The following HCN1 variants were observed in gnomAD, a reference collection of about 807,000 sequenced individuals.
HCN1 encodes potassium/sodium hyperpolarization-activated cyclic nucleotide-gated channel 1.
A neutral mutation model predicts 78.9 loss-of-function variants in HCN1; 13 were observed. That is an observed-to-expected ratio of 0.16 (90% CI 0.11 to 0.26). The LOEUF is 0.26. Ranked by LOEUF, HCN1 falls within the 10% of genes least tolerant of loss-of-function variation. The probability of loss-of-function intolerance (pLI) is 1.00; values close to 1 mark genes in which losing one functional copy is unlikely to be tolerated. For synonymous variants in HCN1, 552 were observed against 455.5 expected, an observed-to-expected ratio of 1.21 and a Z score of -2.70; for missense variants, 810 against 1,154.3, an observed-to-expected ratio of 0.70 and a Z score of 4.32.
intron 6 of HCN1, among the ~76,000 whole-genome samples, chr5:45,281,350 G>A (rs773643308): frequency 4.6e-5 from 7 of 151,844 alleles, no homozygotes; most frequent in Non-Finnish European, 8.8e-5. Flanking sequence ...TGTATAGTAT[G>A]TGCCTATTTC....
intron 2 of HCN1, among the ~76,000 whole-genome samples, chr5:45,557,570 C>T (rs1225252170): frequency 2.6e-5 from 4 of 152,054 alleles, no homozygotes; most frequent in Non-Finnish European, 5.9e-5. Flanking sequence ...TAAATTGAGG[C>T]TTTTGCAACC....
chr5:45,495,595 C>T lies in HCN1; in HGVS notation c.850-33588G>A, dbSNP rs545038245. Reference sequence around the variant, plus strand: ...TTCCTAATTGAATACACTTTATTTCCTTCTCCTAACTGATTGCCCTGGCCA... The same window carrying T: ...TTCCTAATTGAATACACTTTATTTCTTTCTCCTAACTGATTGCCCTGGCCA... On this transcript the variant is annotated intron_variant, in intron 2 of 7. Coordinates refer to ENST00000303230, the MANE Select transcript of HCN1 (RefSeq NM_021072.4). Among the ~76,000 whole-genome samples, 123 of 152,206 alleles carry T rather than the reference C, an allele frequency of 8.1e-4. 4 individuals are homozygous for T. In the South Asian group the frequency reaches 0.024, roughly 30 times the overall value.
chr5:45,388,386 T>C (rs1459710113), intron 4 of HCN1, among the ~76,000 whole-genome samples: 1 of 152,142 alleles, frequency 6.6e-6, no homozygotes. Context: ...AATATGCCTG[T>C]CCCGCTGTGT....
chr5:45,426,522 A>G (rs1740350724), intron 3 of HCN1, among the ~76,000 whole-genome samples: 1 of 152,188 alleles, frequency 6.6e-6, no homozygotes, highest in South Asian at 2.1e-4. Flanking sequence ...GGTTTTACAA[A>G]GGGGAGTTTC....
chr5:45,372,926 AT>A (rs1376968492), intron 4 of HCN1, among the ~76,000 whole-genome samples: 2 of 142,450 alleles, frequency 1.4e-5, no homozygotes, highest in African/African-American at 5.0e-5. Flanking sequence ...ATATACACGT[AT>A]TTTATACATA....
chr5:45,497,773 C>G (rs940776009), intron 2 of HCN1, among the ~76,000 whole-genome samples: 2 of 152,170 alleles, frequency 1.3e-5, no homozygotes, highest in Non-Finnish European at 2.9e-5. Flanking sequence ...TCTTTTAGGG[C>G]AGGCCTGGTG....
At chr5:45,325,712 T>TA (rs1746221840) in intron 5 of HCN1, among the ~76,000 whole-genome samples, 2 of 151,804 alleles carry the variant, frequency 1.3e-5, no homozygotes, top group South Asian at 4.1e-4. Context: ...CTTAATGAAT[T>TA]AAAAAATCTT....
In HCN1 at chr5:45,258,521, C is replaced by T. The variant is rs116138198; in HGVS notation, c.*3400G>A. ...ATATATTGCCATTGCTACTATTTATCCTCCTTGTTTTCAGGAATGCTTCAC... is the reference window on the plus strand; with the variant it reads ...ATATATTGCCATTGCTACTATTTATTCTCCTTGTTTTCAGGAATGCTTCAC... On this transcript the variant is annotated 3_prime_UTR_variant, in exon 8 of 8. Coordinates refer to ENST00000303230, the MANE Select transcript of HCN1 (RefSeq NM_021072.4). The T allele has an allele frequency of 1.3e-5, 2 of 152,108 alleles. No individual in the cohort carries two copies. The highest frequency in any genetic ancestry group is 2.9e-5 in the Non-Finnish European group (2 of 67,982). The allele number at this position is 152,108 out of a possible 1,614,324, so 9.4% of individuals were successfully genotyped here.
chr5:45,281,055 G>A (rs939182631), intron 6 of HCN1, among the ~76,000 whole-genome samples: 5 of 151,824 alleles, frequency 3.3e-5, no homozygotes, highest in Admixed American at 3.3e-4. Flanking sequence ...TTACATTACT[G>A]TTAATAAATA....
At chr5:45,339,796 A>G (rs1746536866) in intron 5 of HCN1, among the ~76,000 whole-genome samples, 1 of 152,186 alleles carries the variant, frequency 6.6e-6, no homozygotes, top group South Asian at 2.1e-4. Context: ...TGATTGTAGG[A>G]ATTGAGGAAA....
intron 5 of HCN1, among the ~76,000 whole-genome samples, chr5:45,345,842 T>G (rs1746690076): frequency 6.6e-6 from 1 of 152,242 alleles, no homozygotes; most frequent in South Asian, 2.1e-4. Flanking sequence ...ACTTCCACAA[T>G]TTCAGGTATC....
intron 1 of HCN1, among the ~76,000 whole-genome samples, chr5:45,660,434 AT>A (rs1226226557): frequency 7.4e-6 from 1 of 134,696 alleles, no homozygotes; most frequent in East Asian, 2.2e-4. Context: ...TAATGACAGG[AT>A]CAAATTCACA....
chr5:45,280,894 A>G (rs181551723), intron 6 of HCN1, among the ~76,000 whole-genome samples: 7 of 152,276 alleles, frequency 4.6e-5, no homozygotes, highest in African/African-American at 1.4e-4. Flanking sequence ...AATGCTTTTC[A>G]AAAATTCCGT....
intron 1 of HCN1, among the ~76,000 whole-genome samples, chr5:45,646,031 T>C (rs978221469): frequency 4.6e-5 from 7 of 151,952 alleles, no homozygotes; most frequent in Non-Finnish European, 1.0e-4. Flanking sequence ...TAGATGTCAA[T>C]TTACCAATCA....
chr5:45,304,574 G>A (rs2111906427), intron 5 of HCN1, among the ~76,000 whole-genome samples: 1 of 152,182 alleles, frequency 6.6e-6, no homozygotes, highest in South Asian at 2.1e-4. Context: ...TACTCGGGAG[G>A]CTGAGGCAGA....
chr5:45,605,624 G>A (rs1307212159), intron 2 of HCN1, among the ~76,000 whole-genome samples: 1 of 151,852 alleles, frequency 6.6e-6, no homozygotes, highest in Non-Finnish European at 1.5e-5. Flanking sequence ...TTTGTACATT[G>A]TACATGAGTA....
intron 6 of HCN1, among the ~76,000 whole-genome samples, chr5:45,296,583 A>G (rs1031876418): frequency 6.6e-6 from 1 of 151,940 alleles, no homozygotes; most frequent in Non-Finnish European, 1.5e-5. Context: ...AAAGCAATTT[A>G]AGCTCAAAGC....
At chr5:45,262,891 CAGA>C in intron 7 of HCN1, 81 bp from the exon 8 acceptor site, 1 of 1,459,988 alleles carries the variant, frequency 6.8e-7, no homozygotes, top group Non-Finnish European at 9.5e-7. Flanking sequence ...CTCCTGCAAA[CAGA>C]AGTATAGCTG....
intron 1 of HCN1, among the ~76,000 whole-genome samples, chr5:45,663,701 GA>G (rs1745970674): frequency 6.6e-6 from 1 of 151,914 alleles, no homozygotes; most frequent in African/African-American, 2.4e-5. Context: ...AAAAACACAT[GA>G]AAAAATGCTC....
Sources: gnomAD v4.1 joint callset for allele counts (sites outside exome capture counted in the v4.1 genomes callset) on GRCh38, gnomAD v4.1.1 for gene constraint, MANE v1.5 for transcripts, NCBI Gene and HGNC (gene_info 2026-07-23, HGNC 2026-07-21) for gene names.